Variants in MSH5 observed in about 807,000 individuals in gnomAD.
MSH5 encodes mutS protein homolog 5.
MSH5 carries 78 observed loss-of-function variants against 107.7 expected under a neutral mutation model. The ratio of observed to expected loss-of-function variants is 0.72; its 90% confidence interval spans 0.60 to 0.87. The LOEUF is 0.87. MSH5 is among the 40% of genes least tolerant of loss of function. The probability of loss-of-function intolerance (pLI) is 0.00; values close to 1 mark genes in which losing one functional copy is unlikely to be tolerated. For synonymous variants in MSH5, 326 were observed against 399.5 expected, an observed-to-expected ratio of 0.82 and a Z score of 2.19; for missense variants, 889 against 1,046.6, an observed-to-expected ratio of 0.85 and a Z score of 2.08.
chr6:31,760,356 C>A lies in MSH5; in HGVS notation c.1812+140C>A. On this transcript the variant is annotated intron_variant, in intron 19 of 24. Coordinates refer to ENST00000375750, the MANE Select transcript of MSH5 (RefSeq NM_172166.4). This position sits in a 1 kb window ranked among gnomAD's most constrained non-coding sequence, Gnocchi z 5.6. Reference sequence around the variant, plus strand: ...CATGAAAGGACCATCACCCACATCCCTGTGCTTCCACCTCACATGTTCTTA... The same window carrying A: ...CATGAAAGGACCATCACCCACATCCATGTGCTTCCACCTCACATGTTCTTA... 8.3e-7 allele frequency: 1 copy of A among 1,210,252 alleles called. No homozygotes were observed. The highest frequency in any genetic ancestry group is 1.5e-5 in the South Asian group (1 of 66,346). 75.0% of individuals were successfully genotyped at this position (1,210,252 alleles called of 1,614,324 possible). A position where few individuals can be genotyped will look rare whatever the true frequency, so the allele number is the denominator to read the frequency against.
chr6:31,740,460 C>T lies in MSH5; in HGVS notation c.-7C>T. On this transcript the variant is annotated 5_prime_UTR_variant, in exon 2 of 25. Transcript: ENST00000375750. The surrounding 1 kb of genome is among the most constrained non-coding windows in gnomAD (Gnocchi z 4.4). ...TCACTTTTTGCATCCGCAGAGCCTC[C>T]AAGCTCATGGCCTCCTTAGGAGCGA... The T allele has an allele frequency of 6.4e-7, 1 of 1,559,324 alleles. No individual in the cohort carries two copies. Among genetic ancestry groups the T allele is most frequent in the Non-Finnish European group, 8.7e-7 (1 of 1,151,410 alleles).
rs756046276 is a variant in MSH5, at chr6:31,743,886, C to T, written c.416-18C>T. On this transcript the variant is annotated intron_variant, in intron 5 of 24. Transcript: ENST00000375750. ...TTGAGCTACAAGACCGTTCCCTTTG[C>T]TTGCCTCCCTCAAATAGGTCTGGAG... 12 of 1,611,978 alleles carry T rather than the reference C, an allele frequency of 7.4e-6. No individual in the cohort carries two copies. Among genetic ancestry groups the T allele is most frequent in the Non-Finnish European group, 1.0e-5 (12 of 1,179,508 alleles).
Position 31,760,185 on chromosome 6 carries a change from A to G in MSH5, c.1781A>G (p.Asn594Ser), listed in dbSNP as rs1157646234. Residue 594 changes from asparagine to serine, a missense_variant, in exon 19 of 25, where the codon AAC (asparagine) becomes AGC (serine). Physicochemically the swap from Asn to Ser is conservative, Grantham distance 46 (BLOSUM62 1). Transcript: ENST00000375750. This position sits in a 1 kb window ranked among gnomAD's most constrained non-coding sequence, Gnocchi z 5.6. ...AGGGTCAAAGTCATCACTGGACCCA[A>G]CTCATCAGGGAAGAGCATATACCTC... ...KGRVKVITGP[N>S]SSGKSIYLKQ... 6.2e-7 allele frequency: 1 copy of G among 1,610,980 alleles called. No homozygotes were observed. Among genetic ancestry groups the G allele is most frequent in the Non-Finnish European group, 8.5e-7 (1 of 1,178,670 alleles).
Position 31,761,822 on chromosome 6 carries a change from T to G in MSH5, c.2186T>G (p.Met729Arg). 6.2e-7 allele frequency: 1 copy of G among 1,613,080 alleles called. No homozygotes were observed. Among genetic ancestry groups the G allele is most frequent in the Non-Finnish European group, 8.5e-7 (1 of 1,180,026 alleles). The change falls in exon 23 of 25, where the codon ATG becomes AGG. Residue 729 changes from methionine to arginine, a missense_variant. Coordinates refer to ENST00000375750, the MANE Select transcript of MSH5 (RefSeq NM_172166.4). The surrounding 1 kb of genome is among the most constrained non-coding windows in gnomAD (Gnocchi z 5.3). The part of the protein sequence containing the change: ...PQGPLVQYLT[M>R]ETCEDGNDLV... ...TGTCTTTTATTCTCTTTTAAGACCA[T>G]GGAGACCTGTGAGGATGGCAACGAT...
At position 31,748,549 on chromosome 6, in the gene MSH5, A is replaced by G. The variant is rs373653704; in HGVS notation, c.812+1117A>G. ...TTTTCAGTAGAGGCGGGGTTTCACC[A>G]TGTTGGTCAGGCTGGTCTCGAACTC... On this transcript the variant is annotated intron_variant, in intron 10 of 24. Transcript: ENST00000375750. 2.6e-5 allele frequency among the ~76,000 whole-genome samples: 4 copies of G among 151,540 alleles called. No individual in the cohort carries two copies. The East Asian group carries it at 7.8e-4, about 29-fold the overall frequency.
intron 9 of MSH5, among the ~76,000 whole-genome samples, chr6:31,745,631 G>A (rs1450070011): frequency 2.0e-5 from 3 of 152,092 alleles, no homozygotes; most frequent in African/African-American, 7.2e-5. Context: ...TGTGTATAGA[G>A]AAGAGTTTTG....
chr6:31,753,544 G>C (rs761184833), intron 11 of MSH5, 23 bp from the exon 12 acceptor site: 1 of 1,613,964 alleles, frequency 6.2e-7, no homozygotes, highest in Non-Finnish European at 8.5e-7. Flanking sequence ...GAAAACAGCG[G>C]CTGTAACCTT....
chr6:31,741,633 T>G (rs1474297326), intron 3 of MSH5, among the ~76,000 whole-genome samples: 1 of 152,082 alleles, frequency 6.6e-6, no homozygotes, highest in Non-Finnish European at 1.5e-5. Context: ...CCGCCCACCT[T>G]GGCCTCCTAA....
Position 31,760,380 on chromosome 6 carries a change from T to C in MSH5, c.1812+164T>C, listed in dbSNP as rs1044671231. On this transcript the variant is annotated intron_variant, in intron 19 of 24. Transcript: ENST00000375750. This position sits in a 1 kb window ranked among gnomAD's most constrained non-coding sequence, Gnocchi z 5.6. ...CCTGTGCTTCCACCTCACATGTTCT[T>C]ATTCTCCACTGGAGAGCCATGCTCT... Among the ~76,000 whole-genome samples the C allele has an allele frequency of 6.6e-6, 1 of 152,178 alleles. No homozygotes were observed. The highest frequency in any genetic ancestry group is 1.5e-5 in the Non-Finnish European group (1 of 68,028).
rs1009005943 is a variant in MSH5 at position 31,753,410 on chromosome 6, C to T, written c.922C>T (p.Arg308Trp). 7 of 1,613,954 alleles carry T rather than the reference C, an allele frequency of 4.3e-6. No homozygotes were observed. The highest frequency in any genetic ancestry group is 1.7e-5 in the Admixed American group (1 of 59,998). Residue 308 changes from arginine to tryptophan, a missense_variant, in exon 11 of 25, where the codon CGG becomes TGG. Transcript: ENST00000375750. ...TCTGGACATGGCTCAGATGCTGCATCGGCTCCTGGGTCACATCAAGAACGT... is the reference window on the plus strand; with the variant it reads ...TCTGGACATGGCTCAGATGCTGCATTGGCTCCTGGGTCACATCAAGAACGT... ...QNLDMAQMLH[R>W]LLGHIKNVPL... is the part of the protein sequence containing the mutation.
chr6:31,743,564 G>A, intron 5 of MSH5: 1 of 449,776 alleles, frequency 2.2e-6, no homozygotes, highest in Non-Finnish European at 3.9e-6. Flanking sequence ...AAGAACAGGA[G>A]TGTACTATCC....
chr6:31,741,621 A>G (rs866271404), intron 3 of MSH5, among the ~76,000 whole-genome samples: 1 of 152,030 alleles, frequency 6.6e-6, no homozygotes, highest in Non-Finnish European at 1.5e-5. Context: ...TGACCTTGTG[A>G]TCCGCCCACC....
At chr6:31,747,766 G>A (rs147764015) in intron 10 of MSH5, among the ~76,000 whole-genome samples, 1,573 of 152,266 alleles carry the variant, frequency 0.01, 18 homozygotes, top group Middle Eastern at 0.048. Flanking sequence ...AGCACTTTGG[G>A]GGGCCAAGGT....
At chr6:31,746,546 C>G (rs985416957) in intron 9 of MSH5, among the ~76,000 whole-genome samples, 2 of 151,578 alleles carry the variant, frequency 1.3e-5, no homozygotes, top group East Asian at 3.9e-4. Flanking sequence ...TCAAGTGATT[C>G]TTCTGCCTCA....
chr6:31,752,899 A>C (rs1434831033), intron 10 of MSH5, among the ~76,000 whole-genome samples: 3 of 152,292 alleles, frequency 2.0e-5, no homozygotes, highest in African/African-American at 7.2e-5. Context: ...TGTTACCCAG[A>C]GACACTTTCA....
chr6:31,741,772 A>C (rs1306172200), intron 3 of MSH5, among the ~76,000 whole-genome samples: 1 of 152,172 alleles, frequency 6.6e-6, no homozygotes, highest in Non-Finnish European at 1.5e-5. Context: ...GTTAAAAAAA[A>C]AAAAAAAGTT....
intron 10 of MSH5, among the ~76,000 whole-genome samples, chr6:31,751,156 C>T (rs1050057739): frequency 4.6e-5 from 7 of 152,206 alleles, no homozygotes; most frequent in South Asian, 2.1e-4. Flanking sequence ...CCAACACGCC[C>T]GGCTAATTTT....
rs1462437896 is a variant in MSH5, at chr6:31,759,328, A to G, written c.1408-97A>G. On this transcript the variant is annotated intron_variant, in intron 16 of 24. Transcript: ENST00000375750. The surrounding 1 kb of genome is among the most constrained non-coding windows in gnomAD (Gnocchi z 4.7). ...ACCAGCACTGAGACAAAGGAAAGAG[A>G]AGTCAGAGTTAGGGGCTGGAGGTGG... The G allele has an allele frequency of 6.3e-6, 9 of 1,438,302 alleles. No homozygotes were observed. Among genetic ancestry groups the G allele is most frequent in the Non-Finnish European group, 8.8e-6 (9 of 1,024,816 alleles). 89.1% of individuals were successfully genotyped at this position (1,438,302 alleles called of 1,614,324 possible). A position where few individuals can be genotyped will look rare whatever the true frequency, so the allele number is the denominator to read the frequency against.
intron 12 of MSH5, 72 bp downstream of exon 12, chr6:31,753,701 C>T (rs950163195): frequency 4.8e-5 from 66 of 1,375,994 alleles, no homozygotes; most frequent in Admixed American, 8.7e-5. Flanking sequence ...CTGTCTGTAC[C>T]CTAGACATGC....
Sources: allele counts gnomAD v4.1 joint callset (sites outside exome capture counted in the v4.1 genomes callset), GRCh38; gene constraint gnomAD v4.1.1; non-coding constraint Gnocchi (gnomAD v3.1); transcripts MANE v1.5; gene names NCBI Gene and HGNC (gene_info 2026-07-23, HGNC 2026-07-21).